The following ADGRA1 variants were observed in gnomAD, a reference collection of about 807,000 sequenced individuals.
ADGRA1 encodes the protein adhesion G protein-coupled receptor A1.
A neutral mutation model predicts 21.3 loss-of-function variants in ADGRA1; 12 were observed. That is an observed-to-expected ratio of 0.56 (90% CI 0.36 to 0.91). The LOEUF (loss-of-function observed/expected upper bound fraction) is 0.91, where lower values mean the gene tolerates loss of function less well. Ranked by LOEUF, ADGRA1 falls within the 40% of genes least tolerant of loss-of-function variation. ADGRA1 has a pLI of 0.01. For synonymous variants in ADGRA1, 385 were observed against 368.8 expected (o/e 1.04, Z -0.50); for missense variants, 790 against 805.6 (o/e 0.98, Z 0.23).
chr10:133,110,963 C>A (rs1039857564), intron 5 of ADGRA1, among the ~76,000 whole-genome samples: 1 of 152,250 alleles, frequency 6.6e-6, no homozygotes, highest in Middle Eastern at 3.4e-3. Flanking sequence ...GAGCACAGCC[C>A]ACTGAAGGGT....
chr10:133,112,350 A>C (rs1481596262), intron 5 of ADGRA1, among the ~76,000 whole-genome samples: 5 of 130,992 alleles, frequency 3.8e-5, no homozygotes, highest in Non-Finnish European at 6.5e-5. Context: ...AGGCTGCGTC[A>C]GTTATTTGGG....
At position 133,130,327 on chromosome 10, in the gene ADGRA1, C is replaced by T. The variant is rs527648142; in HGVS notation, c.*816C>T. 2 of 152,310 alleles carry T rather than the reference C, an allele frequency of 1.3e-5. No homozygotes were observed. Among genetic ancestry groups the T allele is most frequent in the African/African-American group, 4.8e-5 (2 of 41,548 alleles). 9.4% of individuals were successfully genotyped at this position (152,310 alleles called of 1,614,324 possible). ...GCCCAGACATCCTTTAGTGAAGACT[C>T]GACTTCCAAAACCAGCCACCGCTGG... On this transcript the variant is annotated 3_prime_UTR_variant, in exon 7 of 7. Coordinates refer to ENST00000392607, the MANE Select transcript of ADGRA1 (RefSeq NM_001083909.3).
In ADGRA1 at chr10:133,130,755, G is replaced by GCA. The variant is rs919138467; in HGVS notation, c.*1253_*1254dup. 1 of 136,368 alleles carries GCA rather than the reference G, an allele frequency of 7.3e-6. No homozygotes were observed. Among genetic ancestry groups the GCA allele is most frequent in the Non-Finnish European group, 1.6e-5 (1 of 63,046 alleles). 8.4% of individuals were successfully genotyped at this position (136,368 alleles called of 1,614,324 possible). A position where few individuals can be genotyped will look rare whatever the true frequency, so the allele number is the denominator to read the frequency against. Reference sequence around the variant, plus strand: ...CCAAACACGTGCATATCACACACATGCACACACACAAACACGTGCATATCA... The same window carrying GCA: ...CCAAACACGTGCATATCACACACATGCACACACACACAAACACGTGCATATCA... On this transcript the variant is annotated 3_prime_UTR_variant, in exon 7 of 7. Transcript: ENST00000392607.
chr10:133,119,930 T>G (rs1168343055), intron 5 of ADGRA1, among the ~76,000 whole-genome samples: 1 of 152,182 alleles, frequency 6.6e-6, no homozygotes. Context: ...TTAAAGGCCC[T>G]GGGATTTTCA....
chr10:133,101,653 G>T (rs1179939508), intron 4 of ADGRA1, among the ~76,000 whole-genome samples: 2 of 152,212 alleles, frequency 1.3e-5, no homozygotes, highest in African/African-American at 4.8e-5. Flanking sequence ...GGCTGTGGGG[G>T]CTGCCTCTGC....
intron 5 of ADGRA1, among the ~76,000 whole-genome samples, chr10:133,114,397 C>G (rs1451234921): frequency 6.6e-6 from 1 of 152,214 alleles, no homozygotes; most frequent in African/African-American, 2.4e-5. Context: ...CTATGGCATT[C>G]AAAGCATCTT....
chr10:133,114,447 G>A (rs936050172), intron 5 of ADGRA1, among the ~76,000 whole-genome samples: 2 of 152,194 alleles, frequency 1.3e-5, no homozygotes, highest in Non-Finnish European at 2.9e-5. Flanking sequence ...CTGGAGCTGG[G>A]CATTGTGGTG....
rs539064568 is a variant in ADGRA1, at chr10:133,107,447, C to T, written c.401+4605C>T. On this transcript the variant is annotated intron_variant, in intron 5 of 6. Transcript: ENST00000392607. Reference sequence around the variant, plus strand: ...CAATTTTCTTGATCTGTTTAAAGAGCCAGTTTGAGTTTCATTGATGGTCTT... The same window carrying T: ...CAATTTTCTTGATCTGTTTAAAGAGTCAGTTTGAGTTTCATTGATGGTCTT... Among the ~76,000 whole-genome samples, 14 of 152,184 alleles carry T rather than the reference C, an allele frequency of 9.2e-5. No individual in the cohort carries two copies. The East Asian group carries it at 2.5e-3, about 27-fold the overall frequency.
intron 5 of ADGRA1, among the ~76,000 whole-genome samples, chr10:133,126,560 G>A (rs1424315112): frequency 1.3e-5 from 2 of 152,204 alleles, no homozygotes; most frequent in South Asian, 2.1e-4. Flanking sequence ...GGTGGGGGCT[G>A]GAGGCGGTGA....
In ADGRA1 at chr10:133,129,682, C is replaced by T. The variant is rs1036408422; in HGVS notation, c.*171C>T. 12 of 389,982 alleles carry T rather than the reference C, an allele frequency of 3.1e-5. No individual in the cohort carries two copies. The East Asian group carries it at 3.6e-4, about 12-fold the overall frequency. The allele number at this position is 389,982 out of a possible 1,614,324, so 24.2% of individuals were successfully genotyped here. Reference sequence around the variant, plus strand: ...CTGCCCCTTCCTTGTGATCACACCCCTGCCCCTTCCTTGTGATCACACCCC... The same window carrying T: ...CTGCCCCTTCCTTGTGATCACACCCTTGCCCCTTCCTTGTGATCACACCCC... On this transcript the variant is annotated 3_prime_UTR_variant, in exon 7 of 7. Transcript: ENST00000392607.
chr10:133,123,682 C>T (rs1852318704), intron 5 of ADGRA1, among the ~76,000 whole-genome samples: 1 of 150,682 alleles, frequency 6.6e-6, no homozygotes, highest in Non-Finnish European at 1.5e-5. Flanking sequence ...CCCCGCTGGG[C>T]CGACGTCGAG....
intron 5 of ADGRA1, among the ~76,000 whole-genome samples, chr10:133,119,005 G>A (rs765970378): frequency 6.6e-5 from 10 of 150,702 alleles, no homozygotes; most frequent in Non-Finnish European, 1.0e-4. Context: ...CACTGCACAC[G>A]TGCACATTGA....
intron 5 of ADGRA1, among the ~76,000 whole-genome samples, chr10:133,123,848 C>T (rs1852323362): frequency 6.6e-6 from 1 of 152,000 alleles, no homozygotes; most frequent in Admixed American, 6.6e-5. Flanking sequence ...AAGAGGACGC[C>T]GGTGATGTCA....
chr10:133,098,728 A>G lies in ADGRA1; in HGVS notation c.220A>G (p.Ile74Val). 6.2e-7 allele frequency: 1 copy of G among 1,611,912 alleles called. No individual in the cohort carries two copies. Among genetic ancestry groups the G allele is most frequent in the Non-Finnish European group, 8.5e-7 (1 of 1,179,964 alleles). Residue 74 changes from isoleucine (I) to valine (V), a missense_variant, in exon 4 of 7, where the codon ATC (isoleucine) becomes GTC (valine). Physicochemically the swap from Ile to Val is conservative, Grantham distance 29. This residue lies in a region of ADGRA1 where 382 missense variants were observed against 415.6 expected (regional missense o/e 0.92). Coordinates refer to ENST00000392607, the MANE Select transcript of ADGRA1 (RefSeq NM_001083909.3). ...GACCTTCACTGTGTTCGCCGGCGGC[A>G]TCAATCGCACCAAGTACCCCATCCT... ...ALTFTVFAGG[I>V]NRTKYPILCQ...
At position 133,112,561 on chromosome 10, in the gene ADGRA1, G is replaced by A. The variant is rs569959329; in HGVS notation, c.401+9719G>A. Reference sequence around the variant, plus strand: ...GTCGGTTATTTGAGGTCTGTGGGCCGCATCGGTTATTTGAGGTCTGCGGGC... The same window carrying A: ...GTCGGTTATTTGAGGTCTGTGGGCCACATCGGTTATTTGAGGTCTGCGGGC... On this transcript the variant is annotated intron_variant, in intron 5 of 6. Coordinates refer to ENST00000392607, the MANE Select transcript of ADGRA1 (RefSeq NM_001083909.3). 2.8e-4 allele frequency among the ~76,000 whole-genome samples: 41 copies of A among 147,798 alleles called. No individual in the cohort carries two copies. In the South Asian group the frequency reaches 5.5e-3, roughly 20 times the overall value.
intron 5 of ADGRA1, among the ~76,000 whole-genome samples, chr10:133,105,582 TTGC>T (rs1851879055): frequency 1.3e-5 from 2 of 152,348 alleles, no homozygotes; most frequent in East Asian, 3.9e-4. Context: ...ATGTAAAATG[TTGC>T]TGCGCTGGTG....
chr10:133,130,075 C>G lies in ADGRA1; in HGVS notation c.*564C>G, dbSNP rs945722385. ...CCAGCATTCTCGCTCTGGGCAGAAC[C>G]CTCGGGACCCTCCGCTGTCGTGTGT... On this transcript the variant is annotated 3_prime_UTR_variant, in exon 7 of 7. Coordinates refer to ENST00000392607, the MANE Select transcript of ADGRA1 (RefSeq NM_001083909.3). The G allele has an allele frequency of 6.5e-6, 1 of 154,578 alleles. No homozygotes were observed. The highest frequency in any genetic ancestry group is 2.4e-5 in the African/African-American group (1 of 41,468). The allele number at this position is 154,578 out of a possible 1,614,324, so 9.6% of individuals were successfully genotyped here. A position where few individuals can be genotyped will look rare whatever the true frequency, so the allele number is the denominator to read the frequency against.
In ADGRA1 at chr10:133,129,389, C is replaced by A; in HGVS notation, c.1561C>A (p.Pro521Thr). ...GATGCTGCGGAGGACACAGTCCCTG[C>A]CCTTTGGTGGCCCCAGCCAGAACGG... ...LEMLRRTQSL[P>T]FGGPSQNGLP... Residue 521 changes from proline to threonine, a missense_variant, in exon 7 of 7, where the codon CCC becomes ACC. Transcript: ENST00000392607. 1 of 1,605,488 alleles carries A rather than the reference C, an allele frequency of 6.2e-7. No homozygotes were observed. Among genetic ancestry groups the A allele is most frequent in the Non-Finnish European group, 8.5e-7 (1 of 1,178,530 alleles).
Position 133,088,822 on chromosome 10 carries a change from G to C in ADGRA1, c.-88G>C. 8.1e-7 allele frequency: 1 copy of C among 1,234,820 alleles called. No individual in the cohort carries two copies. The highest frequency in any genetic ancestry group is 1.0e-6 in the Non-Finnish European group (1 of 987,946). 76.5% of individuals were successfully genotyped at this position (1,234,820 alleles called of 1,614,324 possible). ...ACTTTGACCTTCCAGAGGCCATGGA[G>C]GCTGGCGGGGAGCAGGGCGCCACCT... On this transcript the variant is annotated 5_prime_UTR_variant, in exon 2 of 7. Transcript: ENST00000392607.
Sources: gnomAD v4.1 joint callset for allele counts (sites outside exome capture counted in the v4.1 genomes callset) on GRCh38, gnomAD v4.1.1 for gene constraint, gnomAD v4.1.1 regional missense constraint, MANE v1.5 for transcripts, NCBI Gene and HGNC (gene_info 2026-07-23, HGNC 2026-07-21) for gene names.